Variants in OAF observed in about 807,000 individuals in gnomAD.
OAF encodes out at first protein homolog.
OAF carries 13 observed loss-of-function variants against 22.5 expected under a neutral mutation model. That is an observed-to-expected ratio of 0.58 (90% CI 0.38 to 0.92). The LOEUF (loss-of-function observed/expected upper bound fraction) is 0.92, where lower values mean the gene tolerates loss of function less well. Among genes scored for constraint, OAF ranks in the 40% least tolerant of loss-of-function variants. OAF has a pLI of 0.00. For synonymous variants in OAF, 175 were observed against 170.5 expected (o/e 1.03, Z -0.21); for missense variants, 347 against 381.8 (o/e 0.91, Z 0.76).
chr11:120,222,053 G>A (rs1198427127), intron 1 of OAF, among the ~76,000 whole-genome samples: 1 of 152,198 alleles, frequency 6.6e-6, no homozygotes, highest in Non-Finnish European at 1.5e-5. Context: ...TCTGGCCTGG[G>A]CTTAGCATCT....
At position 120,215,791 on chromosome 11, in the gene OAF, C is replaced by T. The variant is rs188746164; in HGVS notation, c.231+4281C>T. On this transcript the variant is annotated intron_variant, in intron 1 of 3. Coordinates refer to ENST00000328965, the MANE Select transcript of OAF (RefSeq NM_178507.4). ...GTCCCCTAGTCCGAGTGGCCAAAAG[C>T]TGGGAAGAGGATGAGTCACGCTCCA... Among the ~76,000 whole-genome samples, 6 of 152,294 alleles carry T rather than the reference C, an allele frequency of 3.9e-5. No individual in the cohort carries two copies. The East Asian group carries it at 9.7e-4, about 25-fold the overall frequency.
chr11:120,228,830 C>CA, intron 3 of OAF, 38 bp from the exon 4 acceptor site: 2 of 412,168 alleles, frequency 4.9e-6, no homozygotes, highest in South Asian at 1.8e-5. Context: ...TTCCCTCCCT[C>CA]CCTCCCTCCC....
At chr11:120,214,268 A>G (rs572297981) in intron 1 of OAF, among the ~76,000 whole-genome samples, 2 of 152,326 alleles carry the variant, frequency 1.3e-5, no homozygotes, top group South Asian at 2.1e-4. Flanking sequence ...AAATGGGGAT[A>G]ATAATAGCAC....
intron 1 of OAF, among the ~76,000 whole-genome samples, chr11:120,219,432 C>G (rs535816711): frequency 1.3e-5 from 2 of 152,288 alleles, no homozygotes; most frequent in African/African-American, 4.8e-5. Flanking sequence ...TTCATTCTTC[C>G]CAGTGTTATC....
chr11:120,223,320 T>C (rs1938306270), intron 1 of OAF, among the ~76,000 whole-genome samples: 1 of 152,204 alleles, frequency 6.6e-6, no homozygotes, highest in Non-Finnish European at 1.5e-5. Flanking sequence ...TTCCTCTTAG[T>C]CCATGACGTT....
At chr11:120,220,119 G>A (rs1207169605) in intron 1 of OAF, among the ~76,000 whole-genome samples, 5 of 152,184 alleles carry the variant, frequency 3.3e-5, no homozygotes. Context: ...TGAGGACAGA[G>A]ACCATCTGAC....
At chr11:120,213,321 G>T (rs1460227652) in intron 1 of OAF, among the ~76,000 whole-genome samples, 1 of 152,138 alleles carries the variant, frequency 6.6e-6, no homozygotes, top group Non-Finnish European at 1.5e-5. Context: ...CTGGTCATCT[G>T]ACTGCCCAGT....
chr11:120,221,728 G>A (rs1938281816), intron 1 of OAF, among the ~76,000 whole-genome samples: 1 of 152,060 alleles, frequency 6.6e-6, no homozygotes, highest in African/African-American at 2.4e-5. Flanking sequence ...AACTACAGAC[G>A]AGGACCCTAG....
intron 1 of OAF, among the ~76,000 whole-genome samples, chr11:120,221,606 G>A (rs559566230): frequency 6.6e-6 from 1 of 152,346 alleles, no homozygotes; most frequent in South Asian, 2.1e-4. Context: ...ATCCCTTCAA[G>A]GTTATGTGGC....
intron 3 of OAF, among the ~76,000 whole-genome samples, 192 bp downstream of exon 3, chr11:120,227,188 A>T (rs117939457): frequency 0.044 from 6,658 of 152,252 alleles, 229 homozygotes; most frequent in Admixed American, 0.11. Flanking sequence ...CAGGAATCAG[A>T]GATGTAGACA....
chr11:120,228,452 C>G (rs534377626), intron 3 of OAF, among the ~76,000 whole-genome samples: 8 of 152,274 alleles, frequency 5.3e-5, no homozygotes, highest in Middle Eastern at 6.8e-3. Flanking sequence ...TCTCAGCACA[C>G]TCCGGTATGG....
intron 1 of OAF, among the ~76,000 whole-genome samples, chr11:120,218,909 C>T (rs1346656963): frequency 6.6e-6 from 1 of 152,142 alleles, no homozygotes; most frequent in East Asian, 1.9e-4. Flanking sequence ...AGGCAGGGTG[C>T]CAGAGGAGAC....
chr11:120,224,166 T>A (rs1234476630), intron 1 of OAF, among the ~76,000 whole-genome samples: 1 of 152,190 alleles, frequency 6.6e-6, no homozygotes, highest in Non-Finnish European at 1.5e-5. Context: ...CAGTTTCCCT[T>A]TCTGGAAAAC....
chr11:120,227,025 G>C, intron 3 of OAF, 29 bp downstream of exon 3: 1 of 1,546,988 alleles, frequency 6.5e-7, no homozygotes, highest in Non-Finnish European at 8.9e-7. Flanking sequence ...ACTGCCCGCT[G>C]CTGGGCGGAG....
intron 1 of OAF, among the ~76,000 whole-genome samples, chr11:120,220,097 G>A (rs1031863130): frequency 2.6e-5 from 4 of 152,216 alleles, no homozygotes; most frequent in Admixed American, 2.6e-4. Flanking sequence ...TGCCTGGGCA[G>A]AAGGTGCTCC....
rs113497939 is a variant in OAF, at chr11:120,226,892, T to G, written c.443T>G (p.Phe148Cys). The G allele has an allele frequency of 3.2e-3, 5,210 of 1,612,714 alleles. 15 individuals carry two copies. Among genetic ancestry groups the G allele is most frequent in the Non-Finnish European group, 4.0e-3 (4,730 of 1,179,058 alleles). The change falls in exon 3 of 4, where the codon TTC becomes TGC. Residue 148 changes from phenylalanine to cysteine, a missense_variant. Coordinates refer to ENST00000328965, the MANE Select transcript of OAF (RefSeq NM_178507.4). ...EHLHMDVAVNFSQGALLSPHL... is the reference protein window; with the variant it reads ...EHLHMDVAVNCSQGALLSPHL... ...CTGCACATGGATGTCGCTGTCAACT[T>G]CAGCCAGGGGGCCCTGCTGAGCCCC...
chr11:120,229,385 G>T lies in OAF; in HGVS notation c.*243G>T. 1.6e-5 allele frequency: 4 copies of T among 245,330 alleles called. No individual in the cohort carries two copies. The highest frequency in any genetic ancestry group is 3.7e-5 in the African/African-American group (1 of 26,828). The allele number at this position is 245,330 out of a possible 1,614,324, so 15.2% of individuals were successfully genotyped here. A position where few individuals can be genotyped will look rare whatever the true frequency, so the allele number is the denominator to read the frequency against. ...CTTGCGGGCAGAGAGGGAGAGAAGGGCTCCCCAGATCTACACCCCTCCCTC... is the reference window on the plus strand; with the variant it reads ...CTTGCGGGCAGAGAGGGAGAGAAGGTCTCCCCAGATCTACACCCCTCCCTC... On this transcript the variant is annotated 3_prime_UTR_variant, in exon 4 of 4. Transcript: ENST00000328965.
intron 1 of OAF, among the ~76,000 whole-genome samples, chr11:120,224,036 A>G (rs1938319953): frequency 6.6e-6 from 1 of 152,224 alleles, no homozygotes; most frequent in South Asian, 2.1e-4. Flanking sequence ...TTGCAGCACC[A>G]TGACCAAGAA....
intron 1 of OAF, among the ~76,000 whole-genome samples, chr11:120,225,138 C>G (rs77786799): frequency 1.3e-5 from 2 of 152,128 alleles, no homozygotes; most frequent in African/African-American, 2.4e-5. Context: ...CACCCCGTCC[C>G]GGCCCCACCA....
Sources: allele counts gnomAD v4.1 joint callset (sites outside exome capture counted in the v4.1 genomes callset), GRCh38; gene constraint gnomAD v4.1.1; transcripts MANE v1.5; gene names NCBI Gene and HGNC (gene_info 2026-07-23, HGNC 2026-07-21).